Variants in ATXN1 observed in about 807,000 individuals in gnomAD.
The protein encoded by ATXN1 is ataxin 1, also known as ataxin-1.
A neutral mutation model predicts 56.4 loss-of-function variants in ATXN1; 8 were observed. That is an observed-to-expected ratio of 0.14 (90% CI 0.08 to 0.26). The LOEUF (loss-of-function observed/expected upper bound fraction) is 0.26. ATXN1 is among the 10% of genes least tolerant of loss of function. The pLI is 1.00. For missense variants in ATXN1, 987 were observed against 1,106.5 expected (o/e 0.89, Z 1.53); for synonymous variants, 514 against 494.6 (o/e 1.04, Z -0.52).
chr6:16,480,154 CAAAAAAAA>C (rs60209783), intron 6 of ATXN1, among the ~76,000 whole-genome samples: 24 of 79,124 alleles, frequency 3.0e-4, no homozygotes, highest in South Asian at 1.5e-3. Context: ...ACTTCATCTG[CAAAAAAAA>C]AAAAAAAAAA....
In ATXN1 at chr6:16,306,592, C is replaced by T; in HGVS notation, c.2185G>A (p.Gly729Arg). ...SRHRYAEQEN[G>R]INQGSAQMLS... ...ATCTGGGCACTCCCCTGGTTGATTC[C>T]GTTTTCCTGCTCGGCATACCTGTGT... The change falls in exon 8 of 8, where the codon GGA becomes AGA. Residue 729 changes from glycine to arginine, a missense_variant. Coordinates refer to ENST00000436367, the MANE Select transcript of ATXN1 (RefSeq NM_001128164.2). This position sits in a 1 kb window ranked among gnomAD's most constrained non-coding sequence, Gnocchi z 5.2. 6.2e-7 allele frequency: 1 copy of T among 1,614,198 alleles called. No individual in the cohort carries two copies. Among genetic ancestry groups the T allele is most frequent in the Non-Finnish European group, 8.5e-7 (1 of 1,180,038 alleles).
chr6:16,427,377 C>T (rs1340305075), intron 6 of ATXN1, among the ~76,000 whole-genome samples: 2 of 152,120 alleles, frequency 1.3e-5, no homozygotes, highest in African/African-American at 2.4e-5. Context: ...GCCAACTTGC[C>T]CACGGCGGAG....
At chr6:16,437,017 AAGG>A (rs1759407918) in intron 6 of ATXN1, among the ~76,000 whole-genome samples, 1 of 152,160 alleles carries the variant, frequency 6.6e-6, no homozygotes, top group African/African-American at 2.4e-5. Context: ...GAGTAACTGG[AAGG>A]AGATGGGAAG....
intron 6 of ATXN1, among the ~76,000 whole-genome samples, chr6:16,392,181 T>G (rs1222215255): frequency 6.6e-6 from 1 of 152,238 alleles, no homozygotes; most frequent in Non-Finnish European, 1.5e-5. Flanking sequence ...TGCTGCCTTC[T>G]TTACAGATGG....
chr6:16,618,308 G>C (rs1014962711), intron 3 of ATXN1, among the ~76,000 whole-genome samples: 11 of 152,298 alleles, frequency 7.2e-5, no homozygotes, highest in African/African-American at 2.4e-4. Context: ...AATACCGAAT[G>C]CATGCAGGGC....
chr6:16,446,021 T>C (rs1422300876), intron 6 of ATXN1, among the ~76,000 whole-genome samples: 1 of 151,994 alleles, frequency 6.6e-6, no homozygotes, highest in African/African-American at 2.4e-5. Context: ...TGATTTATAG[T>C]CCTTTGGGTA....
At chr6:16,496,048 G>T (rs1012222615) in intron 5 of ATXN1, among the ~76,000 whole-genome samples, 2 of 152,096 alleles carry the variant, frequency 1.3e-5, no homozygotes, top group Admixed American at 6.5e-5. Flanking sequence ...TTTCTTTTTG[G>T]TCTACTTGTT....
intron 2 of ATXN1, chr6:16,739,484 T>C: frequency 4.2e-6 from 1 of 240,908 alleles, no homozygotes; most frequent in South Asian, 5.2e-5. Context: ...ACTATGCCTG[T>C]GAGCTAATGC....
At chr6:16,554,610 C>T (rs1161171718) in intron 4 of ATXN1, among the ~76,000 whole-genome samples, 1 of 152,164 alleles carries the variant, frequency 6.6e-6, no homozygotes, top group African/African-American at 2.4e-5. Context: ...CGCCACCACG[C>T]CCGGCTAATT....
At chr6:16,394,435 C>G (rs1758413963) in intron 6 of ATXN1, among the ~76,000 whole-genome samples, 1 of 152,064 alleles carries the variant, frequency 6.6e-6, no homozygotes, top group Non-Finnish European at 1.5e-5. Flanking sequence ...TAATTGACAT[C>G]TGATAATTTC....
At chr6:16,624,336 A>G (rs976175843) in intron 3 of ATXN1, among the ~76,000 whole-genome samples, 3 of 138,398 alleles carry the variant, frequency 2.2e-5, no homozygotes, top group Non-Finnish European at 3.0e-5. Flanking sequence ...GGGGGATGAG[A>G]GCGAGACTTT....
intron 6 of ATXN1, among the ~76,000 whole-genome samples, chr6:16,474,449 C>CTTCT (rs1342123714): frequency 1.3e-5 from 2 of 152,204 alleles, no homozygotes; most frequent in African/African-American, 4.8e-5. Flanking sequence ...GCAAACCAGC[C>CTTCT]TTCTAGTAGC....
chr6:16,379,194 T>A (rs919554122), intron 6 of ATXN1, among the ~76,000 whole-genome samples: 4 of 152,290 alleles, frequency 2.6e-5, no homozygotes, highest in African/African-American at 7.2e-5. Context: ...CTCACTGATA[T>A]GTGAGAGCTA....
At chr6:16,734,107 TCTATAGA>T (rs1760056465) in intron 2 of ATXN1, among the ~76,000 whole-genome samples, 3 of 152,110 alleles carry the variant, frequency 2.0e-5, no homozygotes, top group Non-Finnish European at 4.4e-5. Flanking sequence ...AAAAAAAATG[TCTATAGA>T]CTATAGAGTT....
intron 1 of ATXN1, among the ~76,000 whole-genome samples, chr6:16,757,641 T>G (rs1407225064): frequency 6.6e-6 from 1 of 151,932 alleles, no homozygotes; most frequent in Non-Finnish European, 1.5e-5. Flanking sequence ...GGGGAAAAAA[T>G]TTACCAGTTT....
intron 5 of ATXN1, among the ~76,000 whole-genome samples, chr6:16,516,976 A>G (rs1486141725): frequency 6.6e-6 from 1 of 152,236 alleles, no homozygotes; most frequent in Non-Finnish European, 1.5e-5. Flanking sequence ...TGCTTAACTC[A>G]TAACTGATGA....
At chr6:16,424,293 G>C (rs1384757173) in intron 6 of ATXN1, among the ~76,000 whole-genome samples, 1 of 152,192 alleles carries the variant, frequency 6.6e-6, no homozygotes, top group Non-Finnish European at 1.5e-5. Context: ...CCGGGTGTGT[G>C]CATGCGCATG....
intron 6 of ATXN1, among the ~76,000 whole-genome samples, chr6:16,429,996 A>G (rs1242441581): frequency 2.6e-5 from 4 of 152,186 alleles, no homozygotes; most frequent in African/African-American, 9.7e-5. Context: ...AAATCACAAT[A>G]AGACTCAGAA....
At position 16,327,288 on chromosome 6, in the gene ATXN1, G is replaced by T; in HGVS notation, c.1023C>A (p.Asp341Glu). 6.2e-7 allele frequency: 1 copy of T among 1,613,338 alleles called. No homozygotes were observed. Among genetic ancestry groups the T allele is most frequent in the Non-Finnish European group, 8.5e-7 (1 of 1,179,910 alleles). ...SRRYGAPSSA[D>E]LGLGKAGGKS... ...TGCCGCCTGCCTTGCCCAGGCCCAG[G>T]TCGGCTGAGGACGGGGCCCCGTACC... is the stretch of plus-strand genomic sequence containing the variant. The change falls in exon 7 of 8, where the codon GAC (aspartate) becomes GAA (glutamate). Residue 341 changes from aspartate to glutamate, a missense_variant. Asp to Glu is a conservative substitution (Grantham distance 45). This residue lies in a region of ATXN1 where 723 missense variants were observed against 791.7 expected (regional missense o/e 0.91). Coordinates refer to ENST00000436367, the MANE Select transcript of ATXN1 (RefSeq NM_001128164.2).
Sources: gnomAD v4.1 joint callset for allele counts (sites outside exome capture counted in the v4.1 genomes callset) on GRCh38, gnomAD v4.1.1 for gene constraint, gnomAD v4.1.1 regional missense constraint, Gnocchi (gnomAD v3.1) non-coding constraint, MANE v1.5 for transcripts, NCBI Gene and HGNC (gene_info 2026-07-23, HGNC 2026-07-21) for gene names.